Variants in TBPL1 observed in about 807,000 individuals in gnomAD.
The protein encoded by TBPL1 is TATA box-binding protein-like 1.
TBPL1 carries 4 observed loss-of-function variants against 22.1 expected under a neutral mutation model. The observed-to-expected ratio is 0.18, with a 90% CI of 0.09 to 0.41. The LOEUF (loss-of-function observed/expected upper bound fraction) is 0.41. TBPL1 is among the 10% of genes least tolerant of loss of function. The pLI, the probability that TBPL1 is intolerant of heterozygous loss-of-function variation, is 1.00. For missense variants in TBPL1, 115 were observed against 222.3 expected, an observed-to-expected ratio of 0.52 and a Z score of 3.07; for synonymous variants, 64 against 71.0, an observed-to-expected ratio of 0.90 and a Z score of 0.50.
chr6:133,980,845 C>T (rs964574920), intron 2 of TBPL1, among the ~76,000 whole-genome samples: 11 of 150,654 alleles, frequency 7.3e-5, no homozygotes, highest in African/African-American at 1.7e-4. Context: ...CAAAGATTGA[C>T]GAGAGGAATA....
chr6:133,958,645 G>A (rs1027859891), intron 1 of TBPL1, among the ~76,000 whole-genome samples: 4 of 152,162 alleles, frequency 2.6e-5, no homozygotes, highest in African/African-American at 9.7e-5. Flanking sequence ...GGAAACTGCT[G>A]ACTAAAAATA....
intron 1 of TBPL1, among the ~76,000 whole-genome samples, chr6:133,979,628 G>A (rs749802382): frequency 2.0e-5 from 3 of 152,124 alleles, no homozygotes; most frequent in Non-Finnish European, 2.9e-5. Flanking sequence ...GACATTTTTA[G>A]TGGGGAAAAG....
intron 6 of TBPL1, among the ~76,000 whole-genome samples, chr6:133,985,309 T>A (rs1270481001): frequency 0.2 from 5,682 of 28,920 alleles, 1,363 homozygotes; most frequent in African/African-American, 0.29. Context: ...TATATATATA[T>A]ATATATATAT....
chr6:133,970,989 T>C (rs1016311427), intron 1 of TBPL1, among the ~76,000 whole-genome samples: 1 of 152,180 alleles, frequency 6.6e-6, no homozygotes, highest in African/African-American at 2.4e-5. Context: ...TGATATACTT[T>C]ACTGTTCACC....
intron 1 of TBPL1, among the ~76,000 whole-genome samples, chr6:133,959,186 T>A (rs1282737491): frequency 6.6e-6 from 1 of 152,066 alleles, no homozygotes; most frequent in East Asian, 1.9e-4. Flanking sequence ...ATTACAGGCA[T>A]GCGCCACCAC....
upstream of TBPL1, among the ~76,000 whole-genome samples, chr6:133,953,009 C>T (rs1562652558): frequency 1.3e-5 from 2 of 151,900 alleles, no homozygotes; most frequent in Admixed American, 1.3e-4. Flanking sequence ...CCGAGCCCAG[C>T]GGGTGGGCAG....
Position 133,984,602 on chromosome 6 carries a change from G to C in TBPL1, c.412G>C (p.Val138Leu). ...ASYEPELHPAVCYRIKSLRAT... is the reference protein window; with the variant it reads ...ASYEPELHPALCYRIKSLRAT... ...TTACGAACCTGAACTTCATCCTGCTGTGTGCTATCGGATAAAATCTCTAAG... is the reference window on the plus strand; with the variant it reads ...TTACGAACCTGAACTTCATCCTGCTCTGTGCTATCGGATAAAATCTCTAAG... The change falls in exon 6 of 7, where the codon GTG becomes CTG. Residue 138 changes from valine (V) to leucine (L), a missense_variant. Coordinates refer to ENST00000237264, the MANE Select transcript of TBPL1 (RefSeq NM_004865.4). The C allele has an allele frequency of 1.2e-6, 2 of 1,613,400 alleles. No individual in the cohort carries two copies. Among genetic ancestry groups the C allele is most frequent in the Non-Finnish European group, 1.7e-6 (2 of 1,179,844 alleles).
rs1247492759 is a variant in TBPL1, at chr6:133,987,762, A to C, written c.*722A>C. On this transcript the variant is annotated 3_prime_UTR_variant, in exon 7 of 7. Coordinates refer to ENST00000237264, the MANE Select transcript of TBPL1 (RefSeq NM_004865.4). The stretch of plus-strand genomic sequence containing the variant: ...GATTAGAAATAAAAACGTGTATATA[A>C]ACTCTAGGGAACCAGACTAGAAGTT... The C allele has an allele frequency of 1.3e-5, 2 of 152,342 alleles. No individual in the cohort carries two copies. The highest frequency in any genetic ancestry group is 2.9e-5 in the Non-Finnish European group (2 of 67,960). 9.4% of individuals were successfully genotyped at this position (152,342 alleles called of 1,614,324 possible).
At chr6:133,982,180 A>C (rs1028357718) in intron 2 of TBPL1, among the ~76,000 whole-genome samples, 1 of 152,192 alleles carries the variant, frequency 6.6e-6, no homozygotes, top group African/African-American at 2.4e-5. Flanking sequence ...TGAGGGGATA[A>C]TATTCCAAAT....
chr6:133,980,774 A>G (rs59498503), intron 2 of TBPL1, among the ~76,000 whole-genome samples: 305 of 151,836 alleles, frequency 2.0e-3, no homozygotes, highest in African/African-American at 7.1e-3. Context: ...TTAATAAGTA[A>G]TAATAAAACC....
intron 1 of TBPL1, among the ~76,000 whole-genome samples, chr6:133,969,744 C>T (rs539781058): frequency 1.1e-4 from 17 of 152,178 alleles, no homozygotes; most frequent in Non-Finnish European, 2.1e-4. Context: ...AGGTTTTCAA[C>T]TGTTAGACCT....
intron 1 of TBPL1, among the ~76,000 whole-genome samples, chr6:133,956,759 C>T (rs1775933910): frequency 6.6e-6 from 1 of 152,172 alleles, no homozygotes. Flanking sequence ...CAAGCAGTGA[C>T]ACTTTCTCAA....
chr6:133,982,673 G>GT, intron 3 of TBPL1, 23 bp downstream of exon 3: 1 of 1,601,532 alleles, frequency 6.2e-7, no homozygotes, highest in Non-Finnish European at 8.5e-7. Flanking sequence ...TGGGTTTTTT[G>GT]TTTTTATTTT....
At chr6:133,984,149 TTGA>T (rs1196971598) in intron 4 of TBPL1, among the ~76,000 whole-genome samples, 1 of 152,218 alleles carries the variant, frequency 6.6e-6, no homozygotes, top group Admixed American at 6.5e-5. Flanking sequence ...CCATACTGTT[TTGA>T]TCATGCAAAT....
chr6:133,957,025 C>G (rs1775938885), intron 1 of TBPL1, among the ~76,000 whole-genome samples: 1 of 152,090 alleles, frequency 6.6e-6, no homozygotes, highest in African/African-American at 2.4e-5. Context: ...AAGCAAGATT[C>G]TGGAAGTATG....
intron 1 of TBPL1, among the ~76,000 whole-genome samples, chr6:133,960,152 T>C (rs1775996308): frequency 6.6e-6 from 1 of 152,186 alleles, no homozygotes; most frequent in African/African-American, 2.4e-5. Flanking sequence ...GTTGACCTCC[T>C]TCCAGGATCT....
At chr6:133,977,043 A>C (rs557866629) in intron 1 of TBPL1, among the ~76,000 whole-genome samples, 1 of 152,074 alleles carries the variant, frequency 6.6e-6, no homozygotes, top group Non-Finnish European at 1.5e-5. Flanking sequence ...TATCCTATTG[A>C]AAAGGGATAT....
At chr6:133,958,333 G>A (rs1775962117) in intron 1 of TBPL1, among the ~76,000 whole-genome samples, 1 of 152,182 alleles carries the variant, frequency 6.6e-6, no homozygotes, top group Admixed American at 6.5e-5. Flanking sequence ...AAGCTTGTTA[G>A]TATCAGTGTA....
At chr6:133,959,463 TG>T (rs1295811170) in intron 1 of TBPL1, among the ~76,000 whole-genome samples, 1 of 152,064 alleles carries the variant, frequency 6.6e-6, no homozygotes, top group Non-Finnish European at 1.5e-5. Flanking sequence ...TTTTCTCTAG[TG>T]TTCTTTCTTT....
Sources: gnomAD v4.1 joint callset for allele counts (sites outside exome capture counted in the v4.1 genomes callset) on GRCh38, gnomAD v4.1.1 for gene constraint, MANE v1.5 for transcripts, NCBI Gene and HGNC (gene_info 2026-07-23, HGNC 2026-07-21) for gene names.